Variants in RHOT1 observed in about 807,000 individuals in gnomAD.
RHOT1 encodes the protein mitochondrial Rho GTPase 1.
In RHOT1, 27 loss-of-function variants were observed where a neutral mutation model predicts 95.3. The ratio of observed to expected loss-of-function variants is 0.28; its 90% confidence interval spans 0.21 to 0.39. RHOT1 has a LOEUF of 0.39. Among genes scored for constraint, RHOT1 ranks in the 10% least tolerant of loss-of-function variants. The probability of loss-of-function intolerance (pLI) is 1.00; values close to 1 mark genes in which losing one functional copy is unlikely to be tolerated. For synonymous variants in RHOT1, 227 were observed against 263.5 expected (o/e 0.86, Z 1.34); for missense variants, 578 against 786.7 (o/e 0.73, Z 3.17).
intron 6 of RHOT1, among the ~76,000 whole-genome samples, chr17:32,180,283 A>G (rs1324985976): frequency 1.3e-5 from 2 of 152,188 alleles, no homozygotes; most frequent in Non-Finnish European, 2.9e-5. Flanking sequence ...AGAAGTAGAT[A>G]TAGGAGACTC....
intron 1 of RHOT1, among the ~76,000 whole-genome samples, chr17:32,168,880 GGGA>G (rs2034335870): frequency 6.6e-6 from 1 of 151,930 alleles, no homozygotes; most frequent in South Asian, 2.1e-4. Context: ...AAATTTTCTG[GGGA>G]GCTGAATAAA....
At chr17:32,142,868 C>T in intron 1 of RHOT1, 139 bp downstream of exon 1, 1 of 829,450 alleles carries the variant, frequency 1.2e-6, no homozygotes, top group Non-Finnish European at 2.0e-6. Flanking sequence ...TCGCCTTTCT[C>T]CGCGTTCCTA....
intron 1 of RHOT1, among the ~76,000 whole-genome samples, chr17:32,169,272 G>A (rs1029814200): frequency 2.0e-5 from 3 of 152,160 alleles, no homozygotes; most frequent in African/African-American, 4.8e-5. Context: ...TTTGGAAACT[G>A]TTGATAATGG....
chr17:32,224,445 TTAAG>T (rs1377194239), intron 19 of RHOT1, among the ~76,000 whole-genome samples, 167 bp from the exon 20 acceptor site: 1 of 152,238 alleles, frequency 6.6e-6, no homozygotes, highest in Non-Finnish European at 1.5e-5. Context: ...AAAGTAATGA[TTAAG>T]TAATTATATA....
intron 1 of RHOT1, among the ~76,000 whole-genome samples, chr17:32,166,175 G>A (rs552463071): frequency 3.4e-5 from 5 of 145,736 alleles, no homozygotes; most frequent in East Asian, 3.9e-4. Context: ...GTGACACAGC[G>A]AGACTCTATC....
intron 11 of RHOT1, among the ~76,000 whole-genome samples, chr17:32,197,900 T>C (rs576830458): frequency 6.6e-6 from 1 of 151,602 alleles, no homozygotes; most frequent in Non-Finnish European, 1.5e-5. Context: ...TTTGTTTTTA[T>C]GTTTGTTTGT....
intron 19 of RHOT1, chr17:32,222,738 CTG>C (rs1275566029): frequency 8.4e-5 from 30 of 357,572 alleles, no homozygotes; most frequent in Admixed American, 3.2e-4. Context: ...GAACTGCAAA[CTG>C]TGTGCATGTG....
intron 2 of RHOT1, chr17:32,173,089 T>C (rs897529164): frequency 1.3e-5 from 2 of 152,266 alleles, no homozygotes; most frequent in Non-Finnish European, 2.9e-5. Flanking sequence ...GTATCCTTAA[T>C]GTATTGTGTC....
intron 1 of RHOT1, chr17:32,159,211 C>T (rs2033291645): frequency 1.3e-5 from 2 of 152,606 alleles, no homozygotes; most frequent in South Asian, 4.1e-4. Flanking sequence ...CCACCTGTAC[C>T]TCTCCTGCTC....
chr17:32,224,647 A>G lies in RHOT1; in HGVS notation c.1894A>G (p.Thr632Ala), dbSNP rs1305258981. The G allele has an allele frequency of 2.5e-6, 4 of 1,613,612 alleles. No homozygotes were observed. In the Admixed American group the frequency reaches 6.7e-5, roughly 27 times the overall value. The change falls in exon 20 of 20, where the codon ACG (threonine) becomes GCG (alanine). Residue 632 changes from threonine (T) to alanine (A), a missense_variant. Physicochemically the swap from Thr to Ala is moderately conservative, Grantham distance 58. Coordinates refer to ENST00000545287, the MANE Select transcript of RHOT1 (RefSeq NM_001033566.3). ...GACACAAGCTGACCTCAAGAGCTCC[A>G]CGTTTTGGCTTCGAGCAAGTTTTGG... ...HVTQADLKSS[T>A]FWLRASFGAT...
intron 8 of RHOT1, among the ~76,000 whole-genome samples, chr17:32,187,896 CAAAT>C (rs1157035810): frequency 6.6e-6 from 1 of 152,102 alleles, no homozygotes; most frequent in East Asian, 1.9e-4. Flanking sequence ...TGAAAAAAGT[CAAAT>C]AATATTTTGT....
chr17:32,203,856 C>T, intron 15 of RHOT1, 34 bp from the exon 16 acceptor site: 1 of 1,470,154 alleles, frequency 6.8e-7, no homozygotes, highest in South Asian at 1.1e-5. Flanking sequence ...AAACTAGTTA[C>T]TGCAGATATT....
chr17:32,198,940 T>A lies in RHOT1; in HGVS notation c.870-7T>A, dbSNP rs771381910. 2 of 1,577,292 alleles carry A rather than the reference T, an allele frequency of 1.3e-6. No homozygotes were observed. The highest frequency in any genetic ancestry group is 2.7e-5 in the African/African-American group (2 of 73,776). On this transcript the variant is annotated splice_region_variant and splice_polypyrimidine_tract_variant and intron_variant, in intron 11 of 19. Transcript: ENST00000545287. The stretch of plus-strand genomic sequence containing the variant: ...TGATTTATTTTACTCTTGAATTTTT[T>A]CAACAGGCTGAAAATACCTCCTGAT...
At chr17:32,199,147 CCT>C (rs767384676) in intron 12 of RHOT1, 116 bp downstream of exon 12, 3 of 858,084 alleles carry the variant, frequency 3.5e-6, no homozygotes, top group African/African-American at 3.4e-5. Flanking sequence ...AACTGCTTAA[CCT>C]CTCTAAGTTA....
At chr17:32,196,979 C>T (rs1289172147) in intron 11 of RHOT1, among the ~76,000 whole-genome samples, 6 of 151,774 alleles carry the variant, frequency 4.0e-5, no homozygotes, top group African/African-American at 1.5e-4. Flanking sequence ...AAAAATTAGC[C>T]GAGTGTAGTG....
intron 1 of RHOT1, among the ~76,000 whole-genome samples, chr17:32,155,194 C>T (rs979163540): frequency 2.0e-5 from 3 of 152,164 alleles, no homozygotes; most frequent in Non-Finnish European, 2.9e-5. Context: ...CTCGCTCTGT[C>T]GCCCAGGCTG....
chr17:32,202,650 G>T, intron 14 of RHOT1, 120 bp from the exon 15 acceptor site: 1 of 676,194 alleles, frequency 1.5e-6, no homozygotes, highest in Non-Finnish European at 2.4e-6. Flanking sequence ...TTTGTTTATA[G>T]ATCAGCTACT....
intron 17 of RHOT1, chr17:32,207,347 C>T (rs2037831269): frequency 4.5e-6 from 1 of 224,088 alleles, no homozygotes; most frequent in Non-Finnish European, 8.7e-6. Flanking sequence ...AAGAGTAGTA[C>T]ATATGGATTA....
chr17:32,186,335 C>CT (rs1260398523), intron 8 of RHOT1, among the ~76,000 whole-genome samples: 1 of 150,898 alleles, frequency 6.6e-6, no homozygotes, highest in Admixed American at 6.6e-5. Context: ...TTTGGAGAAA[C>CT]GTCTATTGCC....
Sources: gnomAD v4.1 joint callset for allele counts (sites outside exome capture counted in the v4.1 genomes callset) on GRCh38, gnomAD v4.1.1 for gene constraint, MANE v1.5 for transcripts, NCBI Gene and HGNC (gene_info 2026-07-23, HGNC 2026-07-21) for gene names.